Variants in TRMT1 observed in about 807,000 individuals in gnomAD.
TRMT1 encodes tRNA (guanine(26)-N(2))-dimethyltransferase.
In TRMT1, 63 loss-of-function variants were observed where a neutral mutation model predicts 75.4. The ratio of observed to expected loss-of-function variants is 0.84; its 90% confidence interval spans 0.68 to 1.03. TRMT1 has a LOEUF of 1.03. TRMT1 is among the 50% of genes least tolerant of loss of function. The pLI is 0.00. For synonymous variants in TRMT1, 382 were observed against 358.1 expected (o/e 1.07, Z -0.75); for missense variants, 870 against 905.3 (o/e 0.96, Z 0.50).
chr19:13,111,322 C>T (rs916597783), intron 7 of TRMT1, among the ~76,000 whole-genome samples: 1 of 152,106 alleles, frequency 6.6e-6, no homozygotes, highest in African/African-American at 2.4e-5. Flanking sequence ...AGGCATGAGC[C>T]GCTGCACTTC....
At chr19:13,107,990 T>A (rs111656408) in intron 12 of TRMT1, 131 bp from the exon 13 acceptor site, 2 of 469,538 alleles carry the variant, frequency 4.3e-6, no homozygotes, top group Non-Finnish European at 3.5e-6. Flanking sequence ...CTTTTCTTTT[T>A]TTTTTTTTTT....
intron 12 of TRMT1, 90 bp downstream of exon 12, chr19:13,109,291 C>T (rs191060795): frequency 1.2e-5 from 17 of 1,466,734 alleles, no homozygotes; most frequent in African/African-American, 8.4e-5. Flanking sequence ...TCCCCACCCC[C>T]TCGCAAGTTC....
At chr19:13,115,580 C>A (rs760748582) in intron 4 of TRMT1, 46 bp downstream of exon 4, 1 of 1,611,234 alleles carries the variant, frequency 6.2e-7, no homozygotes, top group Non-Finnish European at 8.5e-7. Context: ...AGCCCTCTGT[C>A]TCCCGCTAAA....
In TRMT1 at chr19:13,109,329, C is replaced by T. The variant is rs2019025801; in HGVS notation, c.1397+52G>A. 5 of 1,607,080 alleles carry T rather than the reference C, an allele frequency of 3.1e-6. No individual in the cohort carries two copies. The African/African-American group carries it at 6.7e-5, about 22-fold the overall frequency. ...TGCATGAGAATCCCTGGACTTGCCCCAGGCCACCCTGTGGTCTGGGACAGG... is the reference window on the plus strand; with the variant it reads ...TGCATGAGAATCCCTGGACTTGCCCTAGGCCACCCTGTGGTCTGGGACAGG... On this transcript the variant is annotated intron_variant, in intron 12 of 16. Transcript: ENST00000357720.
At chr19:13,106,811 ATT>A (rs1362050311) in intron 14 of TRMT1, among the ~76,000 whole-genome samples, 1 of 134,014 alleles carries the variant, frequency 7.5e-6, no homozygotes, top group Admixed American at 8.4e-5. Context: ...AGTTATTTTT[ATT>A]TTTATTTATT....
At position 13,116,171 on chromosome 19, in the gene TRMT1, C is replaced by T; in HGVS notation, c.229G>A (p.Val77Met). ...PSANEVFYNP[V>M]QEFNRDLTCA... is the part of the protein sequence containing the mutation. ...GTCAGGTCCCGATTGAATTCCTGCACCGGGTTATAAAAGACCTCGTTGGCA... is the reference window on the plus strand; with the variant it reads ...GTCAGGTCCCGATTGAATTCCTGCATCGGGTTATAAAAGACCTCGTTGGCA... Residue 77 changes from valine (V) to methionine (M), a missense_variant, in exon 2 of 17, where the codon GTG becomes ATG. Coordinates refer to ENST00000357720, the MANE Select transcript of TRMT1 (RefSeq NM_001136035.4). The T allele has an allele frequency of 6.2e-7, 1 of 1,614,120 alleles. No homozygotes were observed. Among genetic ancestry groups the T allele is most frequent in the Non-Finnish European group, 8.5e-7 (1 of 1,180,024 alleles).
intron 5 of TRMT1, among the ~76,000 whole-genome samples, chr19:13,113,718 T>A (rs149187880): frequency 0.027 from 4,107 of 152,120 alleles, 94 homozygotes; most frequent in Non-Finnish European, 0.04. Context: ...CAAGCGATTC[T>A]CCTGCCTCAG....
chr19:13,106,955 C>T (rs1426508712), intron 14 of TRMT1, among the ~76,000 whole-genome samples: 3 of 149,408 alleles, frequency 2.0e-5, no homozygotes, highest in Non-Finnish European at 4.4e-5. Context: ...TCCCGAGTAG[C>T]TGGGACTACA....
At position 13,105,281 on chromosome 19, in the gene TRMT1, T is replaced by TG. The variant is rs1255567939; in HGVS notation, c.1818dup (p.Lys607GlnfsTer4). 1.2e-6 allele frequency: 2 copies of TG among 1,613,674 alleles called. No homozygotes were observed. The highest frequency in any genetic ancestry group is 1.7e-6 in the Non-Finnish European group (2 of 1,179,938). On this transcript the variant is annotated frameshift_variant, in exon 16 of 17. Coordinates refer to ENST00000357720, the MANE Select transcript of TRMT1 (RefSeq NM_001136035.4). LOFTEE classifies it low-confidence loss of function (END_TRUNC). The stretch of plus-strand genomic sequence containing the variant: ...AGGGACCTCACCTCCTTAAACCTCT[T>TG]GCAAGGAAATGTCTTGAGCCGGGCA...
intron 14 of TRMT1, 100 bp from the exon 15 acceptor site, chr19:13,105,706 G>T: frequency 8.4e-7 from 1 of 1,193,022 alleles, no homozygotes; most frequent in Non-Finnish European, 1.2e-6. Context: ...CACAGCACGA[G>T]GTGTCTGCTC....
At chr19:13,113,640 C>T (rs543502187) in intron 5 of TRMT1, among the ~76,000 whole-genome samples, 1 of 151,574 alleles carries the variant, frequency 6.6e-6, no homozygotes, top group South Asian at 2.1e-4. Context: ...GACAGAGTCT[C>T]GCTGTGTCAC....
In TRMT1 at chr19:13,104,936, C is replaced by T; in HGVS notation, c.1979G>A (p.Ter660=). The T allele has an allele frequency of 6.2e-7, 1 of 1,613,954 alleles. No homozygotes were observed. Residue 660 remains the stop codon, a stop_retained_variant, in exon 17 of 17, where the codon TGA becomes TAA. Coordinates refer to ENST00000357720, the MANE Select transcript of TRMT1 (RefSeq NM_001136035.4). ...PGAAAGPGID[*] ...GTGACGTGACATCTCTTTATTGGTT[C>T]AGTCTATGCCTGGCCCAGCGGCAGC...
intron 5 of TRMT1, 125 bp downstream of exon 5, chr19:13,115,154 A>G: frequency 9.5e-7 from 1 of 1,053,304 alleles, no homozygotes; most frequent in Non-Finnish European, 1.3e-6. Flanking sequence ...GTTGACAGAC[A>G]AGGAAACTGG....
intron 14 of TRMT1, 125 bp downstream of exon 14, chr19:13,107,449 G>T: frequency 8.2e-7 from 1 of 1,213,860 alleles, no homozygotes; most frequent in Non-Finnish European, 1.2e-6. Context: ...CCAGTCAGCA[G>T]ATTTTGAATC....
At chr19:13,114,130 T>C (rs1405919421) in intron 5 of TRMT1, among the ~76,000 whole-genome samples, 1 of 152,230 alleles carries the variant, frequency 6.6e-6, no homozygotes, top group Non-Finnish European at 1.5e-5. Flanking sequence ...GGTCAGAAGG[T>C]ATTTTAGGCT....
chr19:13,114,864 C>T (rs1319193760), intron 5 of TRMT1, among the ~76,000 whole-genome samples: 2 of 152,070 alleles, frequency 1.3e-5, no homozygotes, highest in African/African-American at 4.8e-5. Context: ...AACAAGCAAA[C>T]AAACAAAAAA....
intron 12 of TRMT1, 70 bp from the exon 13 acceptor site, chr19:13,107,929 A>C: frequency 8.5e-7 from 1 of 1,182,070 alleles, no homozygotes; most frequent in Non-Finnish European, 1.2e-6. Flanking sequence ...TGACCAGCGT[A>C]GGTAAGACTA....
At chr19:13,112,619 T>C in intron 7 of TRMT1, 86 bp downstream of exon 7, 1 of 1,343,958 alleles carries the variant, frequency 7.4e-7, no homozygotes, top group East Asian at 2.3e-5. Flanking sequence ...TGAGCAGGTC[T>C]GAGGAGGGGG....
chr19:13,115,215 C>A, intron 5 of TRMT1, 64 bp downstream of exon 5: 1 of 1,522,870 alleles, frequency 6.6e-7, no homozygotes, highest in Non-Finnish European at 8.8e-7. Context: ...GAGAATGTGA[C>A]AGAGCCAGAA....
Sources: gnomAD v4.1 joint callset for allele counts (sites outside exome capture counted in the v4.1 genomes callset) on GRCh38, gnomAD v4.1.1 for gene constraint, MANE v1.5 for transcripts, NCBI Gene and HGNC (gene_info 2026-07-23, HGNC 2026-07-21) for gene names.